The following PCSK5 variants were observed in gnomAD, a reference collection of about 807,000 sequenced individuals.
The protein encoded by PCSK5 is proprotein convertase subtilisin/kexin type 5.
A neutral mutation model predicts 233.2 loss-of-function variants in PCSK5; 129 were observed. The observed-to-expected ratio is 0.55, with a 90% confidence interval of 0.48 to 0.64. The LOEUF is 0.64. PCSK5 is among the 30% of genes least tolerant of loss of function. The pLI is 0.00. For missense variants in PCSK5, 2,076 were observed against 2,430.1 expected (o/e 0.85, Z 3.06); for synonymous variants, 825 against 879.2 (o/e 0.94, Z 1.09).
At chr9:76,098,629 A>G (rs1258692999) in intron 8 of PCSK5, among the ~76,000 whole-genome samples, 4 of 152,218 alleles carry the variant, frequency 2.6e-5, no homozygotes, top group African/African-American at 7.2e-5. Context: ...CAAAGTAATT[A>G]TGCCCATTTA....
intron 10 of PCSK5, among the ~76,000 whole-genome samples, chr9:76,154,307 A>G (rs1026880356): frequency 1.3e-5 from 2 of 152,226 alleles, no homozygotes; most frequent in African/African-American, 4.8e-5. Flanking sequence ...GGAAAAGGAA[A>G]CAAATTTATG....
At chr9:76,281,665 T>C (rs1827867568) in intron 24 of PCSK5, among the ~76,000 whole-genome samples, 1 of 152,188 alleles carries the variant, frequency 6.6e-6, no homozygotes, top group Non-Finnish European at 1.5e-5. Context: ...TATTATTATT[T>C]TGAAACAGGG....
intron 9 of PCSK5, among the ~76,000 whole-genome samples, chr9:76,121,427 G>A (rs1327601903): frequency 1.3e-5 from 2 of 152,140 alleles, no homozygotes; most frequent in Non-Finnish European, 2.9e-5. Flanking sequence ...TACCTAATGT[G>A]TGTGTATATA....
At chr9:76,196,924 C>A (rs191341174) in intron 20 of PCSK5, among the ~76,000 whole-genome samples, 1 of 152,166 alleles carries the variant, frequency 6.6e-6, no homozygotes, top group Non-Finnish European at 1.5e-5. Flanking sequence ...CATGCCAAAT[C>A]TCAAATGAGT....
chr9:75,932,880 G>A (rs1823873671), intron 2 of PCSK5, among the ~76,000 whole-genome samples: 2 of 152,140 alleles, frequency 1.3e-5, no homozygotes, highest in East Asian at 1.9e-4. Flanking sequence ...GAACCCTTAG[G>A]TCAGGGGTAC....
At position 76,308,695 on chromosome 9, in the gene PCSK5, G is replaced by A. The variant is rs757755652; in HGVS notation, c.3655G>A (p.Gly1219Arg). Residue 1219 changes from glycine (G) to arginine (R), a missense_variant, in exon 29 of 38, where the codon GGA becomes AGA. This residue lies in a region of PCSK5 where 1,510 missense variants were observed against 1,538.1 expected (regional missense o/e 0.98). Coordinates refer to ENST00000674117, the MANE Select transcript of PCSK5 (RefSeq NM_001372043.1). ...TCATTCTTCTTGTAAAACCTGCAATGGATCTGCAACTCTGTGCACTTCATG... is the reference window on the plus strand; with the variant it reads ...TCATTCTTCTTGTAAAACCTGCAATAGATCTGCAACTCTGTGCACTTCATG... ...PCHSSCKTCN[G>R]SATLCTSCPK... 3.7e-6 allele frequency: 6 copies of A among 1,610,782 alleles called. No individual in the cohort carries two copies. The highest frequency in any genetic ancestry group is 1.6e-4 in the Middle Eastern group (1 of 6,062).
intron 35 of PCSK5, among the ~76,000 whole-genome samples, chr9:76,345,127 CCTT>C (rs1181198417): frequency 3.3e-5 from 5 of 152,096 alleles, no homozygotes; most frequent in Non-Finnish European, 4.4e-5. Context: ...TTGCCCCACT[CCTT>C]CTCTCCCTGC....
chr9:76,041,768 G>A (rs950910917), intron 5 of PCSK5, among the ~76,000 whole-genome samples: 3 of 151,206 alleles, frequency 2.0e-5, no homozygotes, highest in African/African-American at 7.3e-5. Context: ...GAACTGAGGA[G>A]GCAGAGGTTG....
At chr9:76,310,936 A>G in intron 30 of PCSK5, 85 bp downstream of exon 30, 1 of 917,412 alleles carries the variant, frequency 1.1e-6, no homozygotes, top group Non-Finnish European at 1.6e-6. Flanking sequence ...TTCACCAAAA[A>G]ACTCTTCTCT....
intron 10 of PCSK5, among the ~76,000 whole-genome samples, chr9:76,149,501 T>G (rs368904769): frequency 1.3e-5 from 2 of 152,186 alleles, no homozygotes; most frequent in East Asian, 3.8e-4. Context: ...AAAAGTAATA[T>G]GTAAATAATC....
At chr9:76,334,700 C>T (rs533215557) in intron 34 of PCSK5, among the ~76,000 whole-genome samples, 1 of 152,272 alleles carries the variant, frequency 6.6e-6, no homozygotes, top group East Asian at 1.9e-4. Flanking sequence ...CACTGCACTC[C>T]AACCTGGAGC....
intron 20 of PCSK5, among the ~76,000 whole-genome samples, chr9:76,204,443 C>A (rs992619755): frequency 6.6e-6 from 1 of 151,824 alleles, no homozygotes; most frequent in African/African-American, 2.4e-5. Flanking sequence ...TCTTTCTTCT[C>A]TCTTCCCTCT....
chr9:76,153,288 T>C (rs1482949643), intron 10 of PCSK5, among the ~76,000 whole-genome samples: 1 of 152,212 alleles, frequency 6.6e-6, no homozygotes, highest in Non-Finnish European at 1.5e-5. Context: ...TTATTCTGTA[T>C]ACATAACTTG....
chr9:76,211,685 C>CAAA (rs1432221231), intron 20 of PCSK5, among the ~76,000 whole-genome samples: 1 of 152,140 alleles, frequency 6.6e-6, no homozygotes, highest in Non-Finnish European at 1.5e-5. Context: ...GCTATGTCTA[C>CAAA]AAAAATAAAA....
chr9:76,181,885 C>T (rs1420784897), intron 16 of PCSK5, among the ~76,000 whole-genome samples: 1 of 152,130 alleles, frequency 6.6e-6, no homozygotes, highest in East Asian at 1.9e-4. Flanking sequence ...AGCAACAAAT[C>T]ATCAAAGGGA....
chr9:76,307,768 C>G (rs1175792094), intron 28 of PCSK5, among the ~76,000 whole-genome samples: 2 of 151,856 alleles, frequency 1.3e-5, no homozygotes, highest in South Asian at 2.1e-4. Flanking sequence ...AGTAGCTACT[C>G]TAAAGAACAC....
chr9:76,090,665 C>T (rs558119336), intron 7 of PCSK5, among the ~76,000 whole-genome samples: 2 of 152,160 alleles, frequency 1.3e-5, no homozygotes, highest in Non-Finnish European at 2.9e-5. Context: ...GTGGCTTAAA[C>T]CAGCGGTTCT....
intron 37 of PCSK5, among the ~76,000 whole-genome samples, chr9:76,356,793 A>G (rs899519952): frequency 3.3e-5 from 5 of 152,262 alleles, no homozygotes; most frequent in Admixed American, 3.3e-4. Flanking sequence ...AGCAAAAAGC[A>G]TTGCACCTTG....
At chr9:76,140,336 G>A (rs897119034) in intron 10 of PCSK5, among the ~76,000 whole-genome samples, 1 of 152,030 alleles carries the variant, frequency 6.6e-6, no homozygotes, top group Non-Finnish European at 1.5e-5. Flanking sequence ...ATTTTCTGTG[G>A]CCTTTGAGGA....
Sources: allele counts gnomAD v4.1 joint callset (sites outside exome capture counted in the v4.1 genomes callset), GRCh38; gene constraint gnomAD v4.1.1; regional missense constraint gnomAD v4.1.1; transcripts MANE v1.5; gene names NCBI Gene and HGNC (gene_info 2026-07-23, HGNC 2026-07-21).